GPC5: variants seen among roughly 807,000 people sequenced by gnomAD.
GPC5 encodes glypican 5, also known as glypican-5.
In GPC5, 47 loss-of-function variants were observed where a neutral mutation model predicts 53.9. The observed-to-expected ratio is 0.87, with a 90% CI of 0.69 to 1.11. The LOEUF (loss-of-function observed/expected upper bound fraction) is 1.11. Ranked by LOEUF, GPC5 falls within the 50% of genes most tolerant of loss-of-function variation. The pLI, the probability that GPC5 is intolerant of heterozygous loss-of-function variation, is 0.00. For missense variants in GPC5, 748 were observed against 713.1 expected (o/e 1.05, Z -0.56); for synonymous variants, 286 against 263.3 (o/e 1.09, Z -0.84).
At chr13:92,189,880 G>T (rs1037264094) in intron 7 of GPC5, among the ~76,000 whole-genome samples, 1 of 152,042 alleles carries the variant, frequency 6.6e-6, no homozygotes, top group African/African-American at 2.4e-5. Flanking sequence ...TGAAGATTTC[G>T]CAACAGACAC....
At chr13:91,513,026 C>T (rs1034348858) in intron 2 of GPC5, among the ~76,000 whole-genome samples, 1 of 152,130 alleles carries the variant, frequency 6.6e-6, no homozygotes, top group Non-Finnish European at 1.5e-5. Context: ...ATTTAAGCTC[C>T]AGGGTACATA....
chr13:92,712,072 AT>A (rs1284544237), intron 7 of GPC5, among the ~76,000 whole-genome samples: 7 of 151,630 alleles, frequency 4.6e-5, no homozygotes, highest in African/African-American at 1.4e-4. Context: ...AATTAATGAA[AT>A]TTAAAACAAA....
chr13:91,655,183 T>C (rs2034815898), intron 2 of GPC5, among the ~76,000 whole-genome samples: 1 of 152,142 alleles, frequency 6.6e-6, no homozygotes, highest in Non-Finnish European at 1.5e-5. Context: ...CATTCTTTCA[T>C]TTTAAAAATA....
At chr13:91,503,695 G>T (rs1350809469) in intron 2 of GPC5, among the ~76,000 whole-genome samples, 1 of 151,062 alleles carries the variant, frequency 6.6e-6, no homozygotes, top group African/African-American at 2.4e-5. Context: ...CAGGAGAATT[G>T]CTTGAACCAG....
intron 1 of GPC5, among the ~76,000 whole-genome samples, chr13:91,413,288 C>T (rs1171955244): frequency 4.0e-5 from 6 of 151,256 alleles, no homozygotes; most frequent in South Asian, 2.1e-4. Context: ...AACAAAACAA[C>T]GAAAAACCAA....
chr13:91,809,738 G>A (rs534095142), intron 5 of GPC5, among the ~76,000 whole-genome samples: 33 of 151,684 alleles, frequency 2.2e-4, no homozygotes, highest in African/African-American at 7.5e-4. Flanking sequence ...AATACATATG[G>A]CCCAAAGACA....
chr13:91,572,181 GTGTGTATACACACACATA>G, intron 2 of GPC5, among the ~76,000 whole-genome samples: 1 of 31,374 alleles, frequency 3.2e-5, no homozygotes, highest in African/African-American at 5.2e-5. Flanking sequence ...GTATATATAC[GTGTGTATACACACACATA>G]TGTATATATA....
At chr13:92,582,641 C>T (rs1373344871) in intron 7 of GPC5, among the ~76,000 whole-genome samples, 3 of 152,132 alleles carry the variant, frequency 2.0e-5, no homozygotes, top group Non-Finnish European at 4.4e-5. Flanking sequence ...CATGAGATAT[C>T]TTTTCATTTA....
At chr13:92,408,675 GTATT>G (rs1875907000) in intron 7 of GPC5, among the ~76,000 whole-genome samples, 1 of 151,308 alleles carries the variant, frequency 6.6e-6, no homozygotes, top group South Asian at 2.1e-4. Context: ...ATATGTATAT[GTATT>G]TATATATACA....
Position 92,120,033 on chromosome 13 carries a change from T to C in GPC5, c.1402-24797T>C, listed in dbSNP as rs116371808. On this transcript the variant is annotated intron_variant, in intron 6 of 7. Coordinates refer to ENST00000377067, the MANE Select transcript of GPC5 (RefSeq NM_004466.6). Reference sequence around the variant, plus strand: ...TGCATATGAGAAGAGGGTTTGCAGATAACAGATTCTATAAAAGTTGCCTAA... The same window carrying C: ...TGCATATGAGAAGAGGGTTTGCAGACAACAGATTCTATAAAAGTTGCCTAA... 4.7e-3 allele frequency among the ~76,000 whole-genome samples: 713 copies of C among 152,100 alleles called. 10 individuals carry two copies. Among genetic ancestry groups the C allele is most frequent in the African/African-American group, 0.016 (667 of 41,476 alleles).
At chr13:91,655,855 G>A (rs960428746) in intron 2 of GPC5, among the ~76,000 whole-genome samples, 4 of 152,044 alleles carry the variant, frequency 2.6e-5, no homozygotes, top group Admixed American at 2.6e-4. Context: ...ACTGGTATCC[G>A]GTGTTCAACT....
Position 91,759,316 on chromosome 13 carries a change from TCA to T in GPC5, c.1280+2899_1280+2900del, listed in dbSNP as rs573142018. Among the ~76,000 whole-genome samples, 513 of 152,220 alleles carry T rather than the reference TCA, an allele frequency of 3.4e-3. 2 individuals are homozygous for T. The highest frequency in any genetic ancestry group is 0.012 in the African/African-American group (487 of 41,558). The stretch of plus-strand genomic sequence containing the variant: ...GATACAGGCATGCAATGTGTAATAA[TCA>T]CATCAGGGTAAATGAGGTACCCATC... On this transcript the variant is annotated intron_variant, in intron 5 of 7. Coordinates refer to ENST00000377067, the MANE Select transcript of GPC5 (RefSeq NM_004466.6).
intron 2 of GPC5, among the ~76,000 whole-genome samples, chr13:91,686,487 T>A (rs1485456847): frequency 2.0e-5 from 3 of 152,006 alleles, no homozygotes. Flanking sequence ...TTGCACATTT[T>A]ACTTTTTGGA....
Position 91,683,849 on chromosome 13 carries a change from C to G in GPC5, c.326-9338C>G, listed in dbSNP as rs911308761. On this transcript the variant is annotated intron_variant, in intron 2 of 7. Coordinates refer to ENST00000377067, the MANE Select transcript of GPC5 (RefSeq NM_004466.6). ...ACAAGCAAAATGTTTGACCTCATAG[C>G]CCCCTCCAGTGCCTGTCTTGGTTTT... Among the ~76,000 whole-genome samples, 12 of 152,142 alleles carry G rather than the reference C, an allele frequency of 7.9e-5. 2 individuals are homozygous for G. In the South Asian group the frequency reaches 1.2e-3, roughly 16 times the overall value.
chr13:91,590,874 C>A (rs1024644654), intron 2 of GPC5, among the ~76,000 whole-genome samples: 1 of 152,166 alleles, frequency 6.6e-6, no homozygotes, highest in Non-Finnish European at 1.5e-5. Flanking sequence ...TTGAACCTCT[C>A]CTTAAAGTGA....
intron 6 of GPC5, among the ~76,000 whole-genome samples, chr13:92,104,223 T>C (rs2041489701): frequency 6.6e-6 from 1 of 152,114 alleles, no homozygotes; most frequent in Admixed American, 6.6e-5. Context: ...TGCTAAGCTG[T>C]GAGTTTTTAC....
At chr13:92,770,414 CA>C (rs34087505) in intron 7 of GPC5, among the ~76,000 whole-genome samples, 10,635 of 76,794 alleles carry the variant, frequency 0.14, 306 homozygotes, top group Admixed American at 0.2. Context: ...GACCCTGTCT[CA>C]AAAAAAAAAA....
rs553815120 is a variant in GPC5, at chr13:92,745,004, G to A, written c.1562-121278G>A. Among the ~76,000 whole-genome samples the A allele has an allele frequency of 4.6e-5, 7 of 151,978 alleles. No homozygotes were observed. The East Asian group carries it at 1.4e-3, about 29-fold the overall frequency. On this transcript the variant is annotated intron_variant, in intron 7 of 7. Transcript: ENST00000377067. ...TAGTCCTTATTGTGTCCTCTGATGT[G>A]TAATAATAATTCATATCAATAACTG...
At chr13:91,682,775 A>C (rs545125779) in intron 2 of GPC5, among the ~76,000 whole-genome samples, 1 of 152,330 alleles carries the variant, frequency 6.6e-6, no homozygotes, top group South Asian at 2.1e-4. Context: ...TCTCACAGCT[A>C]TCCTGCCCTT....
Sources: allele counts gnomAD v4.1 joint callset (sites outside exome capture counted in the v4.1 genomes callset), GRCh38; gene constraint gnomAD v4.1.1; transcripts MANE v1.5; gene names NCBI Gene and HGNC (gene_info 2026-07-23, HGNC 2026-07-21).